DAB1: variants seen among roughly 807,000 people sequenced by gnomAD.
The protein encoded by DAB1 is DAB adaptor protein 1.
A neutral mutation model predicts 64.6 loss-of-function variants in DAB1; 15 were observed. That is an observed-to-expected ratio of 0.23 (90% CI 0.16 to 0.36). DAB1 has a LOEUF of 0.36. Ranked by LOEUF, DAB1 falls within the 10% of genes least tolerant of loss-of-function variation. The pLI is 1.00. For synonymous variants in DAB1, 235 were observed against 251.9 expected, an observed-to-expected ratio of 0.93 and a Z score of 0.64; for missense variants, 596 against 706.7, an observed-to-expected ratio of 0.84 and a Z score of 1.78.
intron 4 of DAB1, among the ~76,000 whole-genome samples, chr1:58,201,175 C>A (rs932867504): frequency 6.6e-6 from 1 of 152,098 alleles, no homozygotes; most frequent in Non-Finnish European, 1.5e-5. Flanking sequence ...CGCCACCACA[C>A]CTGGCTAATT....
intron 2 of DAB1, among the ~76,000 whole-genome samples, chr1:58,517,724 T>C (rs1273026383): frequency 1.3e-5 from 2 of 152,170 alleles, no homozygotes; most frequent in East Asian, 1.9e-4. Context: ...TAAATGAAAA[T>C]CATCATAATG....
intron 4 of DAB1, among the ~76,000 whole-genome samples, chr1:58,194,120 G>C (rs74074993): frequency 0.19 from 28,593 of 152,066 alleles, 2,881 homozygotes; most frequent in East Asian, 0.37. Context: ...CATTCAACTG[G>C]GGCATCTGAA....
At chr1:58,462,692 A>G (rs1645255973) in intron 3 of DAB1, 1 of 152,220 alleles carries the variant, frequency 6.6e-6, no homozygotes, top group Non-Finnish European at 1.5e-5. Flanking sequence ...AATATCCCGC[A>G]TTAAATCCCT....
At chr1:57,440,548 G>A (rs1225654639) in intron 7 of DAB1, among the ~76,000 whole-genome samples, 1 of 152,078 alleles carries the variant, frequency 6.6e-6, no homozygotes, top group East Asian at 1.9e-4. Context: ...AAAGGAGAGA[G>A]GGAAGGAAGA....
chr1:57,150,487 G>A (rs1176185758), intron 2 of DAB1, among the ~76,000 whole-genome samples: 1 of 152,144 alleles, frequency 6.6e-6, no homozygotes, highest in Non-Finnish European at 1.5e-5. Flanking sequence ...GCTTCCAGTG[G>A]TACATGGGTG....
intron 5 of DAB1, among the ~76,000 whole-genome samples, chr1:58,127,055 A>G (rs1025234429): frequency 2.7e-5 from 4 of 150,692 alleles, no homozygotes; most frequent in African/African-American, 4.9e-5. Context: ...CAATGGTTGA[A>G]CTAGTTTACA....
chr1:57,162,012 C>T (rs1660804963), intron 2 of DAB1, among the ~76,000 whole-genome samples: 1 of 151,998 alleles, frequency 6.6e-6, no homozygotes, highest in African/African-American at 2.4e-5. Context: ...TTAAGCAGTC[C>T]CCTATAATTG....
intron 2 of DAB1, among the ~76,000 whole-genome samples, chr1:57,281,894 G>T (rs1335992884): frequency 6.6e-6 from 1 of 151,976 alleles, no homozygotes; most frequent in Non-Finnish European, 1.5e-5. Flanking sequence ...AGGATGTTAG[G>T]AAACTCACAA....
chr1:57,317,776 C>T (rs736110), intron 1 of DAB1, among the ~76,000 whole-genome samples: 68,730 of 151,902 alleles, frequency 0.45, 16,493 homozygotes, highest in East Asian at 0.89. Flanking sequence ...TACATCAACA[C>T]TTGAGAAACA....
In DAB1 at chr1:58,425,883, G is replaced by A. The variant is rs916541396; in HGVS notation, n.257+80177C>T. 2.6e-5 allele frequency among the ~76,000 whole-genome samples: 4 copies of A among 152,114 alleles called. No individual in the cohort carries two copies. In the East Asian group the frequency reaches 5.8e-4, roughly 22 times the overall value. On this transcript the variant is annotated intron_variant and non_coding_transcript_variant, in intron 3 of 20. Transcript: ENST00000485760. ...TGGCCCCAACCCTGAGGATGAGTGG[G>A]AGGCGAGAAATAAGAGACACAAAGT...
intron 2 of DAB1, among the ~76,000 whole-genome samples, chr1:57,253,145 G>A (rs1669479973): frequency 6.6e-6 from 1 of 152,180 alleles, no homozygotes; most frequent in Non-Finnish European, 1.5e-5. Context: ...TCTGCATAAG[G>A]GCAGGGGGCA....
rs201005874 is a variant in DAB1, at chr1:57,062,879, C to G, written c.723+5G>C. ...AACCTGGCAGTGGAGAGGAGATGTA[C>G]TTACACTTACAGGTTGACTTTTTGG... On this transcript the variant is annotated splice_donor_5th_base_variant and intron_variant, in intron 9 of 14. Transcript: ENST00000371236. 9.9e-5 allele frequency: 159 copies of G among 1,613,090 alleles called. No homozygotes were observed. The highest frequency in any genetic ancestry group is 1.5e-4 in the African/African-American group (11 of 75,036).
intron 1 of DAB1, chr1:58,534,219 G>A (rs771909169): frequency 1.1e-6 from 1 of 871,810 alleles, no homozygotes; most frequent in Non-Finnish European, 2.0e-6. Flanking sequence ...ATTGATCTGA[G>A]AGATCCCTGG....
chr1:58,312,084 T>C (rs1291138321), intron 4 of DAB1, among the ~76,000 whole-genome samples: 1 of 152,114 alleles, frequency 6.6e-6, no homozygotes, highest in Non-Finnish European at 1.5e-5. Flanking sequence ...AGACACAAAG[T>C]TCCCTGTTGT....
intron 1 of DAB1, among the ~76,000 whole-genome samples, chr1:57,309,396 T>C (rs578250458): frequency 6.6e-6 from 1 of 152,344 alleles, no homozygotes; most frequent in African/African-American, 2.4e-5. Flanking sequence ...ACTTTTAGGA[T>C]TTCTGCTCCA....
intron 1 of DAB1, among the ~76,000 whole-genome samples, chr1:57,303,686 T>C (rs993755056): frequency 2.0e-5 from 3 of 151,192 alleles, no homozygotes; most frequent in Non-Finnish European, 2.9e-5. Flanking sequence ...AAAAAACAGA[T>C]AATTAGGAAG....
In DAB1 at chr1:58,424,903, G is replaced by A. The variant is rs1022973066; in HGVS notation, n.257+81157C>T. On this transcript the variant is annotated intron_variant and non_coding_transcript_variant, in intron 3 of 20. Transcript: ENST00000485760. ...TGAAAGGATGATGTCATTTGGTGAG[G>A]TGGTGTGGGTGGGTGGGTGAACACA... Among the ~76,000 whole-genome samples, 4 of 151,866 alleles carry A rather than the reference G, an allele frequency of 2.6e-5. 1 individual carries two copies. In the South Asian group the frequency reaches 8.4e-4, roughly 32 times the overall value.
chr1:57,460,139 A>G (rs1273385246), intron 7 of DAB1, among the ~76,000 whole-genome samples: 2 of 152,222 alleles, frequency 1.3e-5, no homozygotes, highest in Admixed American at 6.5e-5. Context: ...ACAAACCATT[A>G]GTTGTGACAC....
At chr1:57,798,203 T>C (rs1285801657) in intron 6 of DAB1, among the ~76,000 whole-genome samples, 1 of 152,182 alleles carries the variant, frequency 6.6e-6, no homozygotes, top group Non-Finnish European at 1.5e-5. Context: ...CTTTCCACTC[T>C]GAAAAAAGAG....
Sources: gnomAD v4.1 joint callset for allele counts (sites outside exome capture counted in the v4.1 genomes callset) on GRCh38, gnomAD v4.1.1 for gene constraint, MANE v1.5 for transcripts, NCBI Gene and HGNC (gene_info 2026-07-23, HGNC 2026-07-21) for gene names.